SLC14A2: variants seen among roughly 807,000 people sequenced by gnomAD.
SLC14A2 encodes urea transporter 2.
In SLC14A2, 91 loss-of-function variants were observed where a neutral mutation model predicts 104.6. That is an observed-to-expected ratio of 0.87 (90% CI 0.73 to 1.04). SLC14A2 has a LOEUF of 1.04. Among genes scored for constraint, SLC14A2 ranks in the 50% least tolerant of loss-of-function variants. The pLI, the probability that SLC14A2 is intolerant of heterozygous loss-of-function variation, is 0.00. For missense variants in SLC14A2, 1,189 were observed against 1,156.0 expected (o/e 1.03, Z -0.41); for synonymous variants, 476 against 466.4 (o/e 1.02, Z -0.27).
chr18:45,204,084 G>T, the SLC14A2 span, among the ~76,000 whole-genome samples: 37,726 of 151,950 alleles, frequency 0.25, 4,887 homozygotes, highest in Non-Finnish European at 0.3. Context: ...TGATAATTGT[G>T]GTATATTTAA....
intron 1 of SLC14A2, among the ~76,000 whole-genome samples, chr18:45,257,212 G>A (rs2084488361): frequency 6.6e-6 from 1 of 152,204 alleles, no homozygotes; most frequent in South Asian, 2.1e-4. Context: ...ACATTAAACT[G>A]ATCACTGCAT....
At chr18:45,377,171 T>G (rs1478307933) in intron 1 of SLC14A2, among the ~76,000 whole-genome samples, 2 of 152,168 alleles carry the variant, frequency 1.3e-5, no homozygotes, top group African/African-American at 4.8e-5. Flanking sequence ...TGACCTCTAC[T>G]GCTGTTTAGT....
chr18:45,617,090 C>T (rs759728169), intron 1 of SLC14A2, among the ~76,000 whole-genome samples: 1 of 151,994 alleles, frequency 6.6e-6, no homozygotes, highest in Non-Finnish European at 1.5e-5. Context: ...AGTGGAGACT[C>T]CATCTAAAAC....
At chr18:45,376,428 A>G (rs1471659906) in intron 1 of SLC14A2, among the ~76,000 whole-genome samples, 1 of 152,222 alleles carries the variant, frequency 6.6e-6, no homozygotes, top group Non-Finnish European at 1.5e-5. Flanking sequence ...GGACTTAGTC[A>G]ACTTAATTCT....
At chr18:45,547,963 A>G (rs1231537170) in intron 2 of SLC14A2, among the ~76,000 whole-genome samples, 2 of 152,188 alleles carry the variant, frequency 1.3e-5, no homozygotes, top group Admixed American at 1.3e-4. Flanking sequence ...GGCTAGGAGA[A>G]TGGGTTCAAA....
chr18:45,532,179 T>A (rs1568262823), intron 2 of SLC14A2, among the ~76,000 whole-genome samples: 2 of 152,190 alleles, frequency 1.3e-5, no homozygotes, highest in African/African-American at 4.8e-5. Flanking sequence ...GACTTGGCAG[T>A]GCGGGCTCTT....
intron 1 of SLC14A2, among the ~76,000 whole-genome samples, chr18:45,457,673 A>G (rs1266196660): frequency 7.8e-6 from 1 of 128,010 alleles, no homozygotes; most frequent in Non-Finnish European, 1.7e-5. Context: ...GGCAATCAGA[A>G]AGGTTATGGA....
At position 45,274,968 on chromosome 18, in the gene SLC14A2, C is replaced by T. The variant is rs150948850; in HGVS notation, c.-125+61777C>T. Among the ~76,000 whole-genome samples the T allele has an allele frequency of 6.5e-3, 995 of 152,248 alleles. 7 individuals are homozygous for T. The highest frequency in any genetic ancestry group is 0.017 in the Middle Eastern group (5 of 294). On this transcript the variant is annotated intron_variant, in intron 1 of 20. Coordinates refer to the SLC14A2 transcript ENST00000586448. ...CTTCCAGGGAGAAGCTGTAGAGATG[C>T]GTTGACTGAATTATCTTTCTTAAGA...
chr18:45,299,715 G>A (rs987336095), intron 1 of SLC14A2, among the ~76,000 whole-genome samples: 11 of 152,170 alleles, frequency 7.2e-5, no homozygotes, highest in African/African-American at 2.4e-4. Context: ...ACCTGCCTTG[G>A]CCTCCCAAAG....
At chr18:45,375,399 T>G (rs1302877237) in intron 1 of SLC14A2, among the ~76,000 whole-genome samples, 1 of 151,844 alleles carries the variant, frequency 6.6e-6, no homozygotes, top group Non-Finnish European at 1.5e-5. Context: ...ATAAACTGGC[T>G]CATCTGGTCT....
intron 1 of SLC14A2, among the ~76,000 whole-genome samples, chr18:45,288,466 G>A (rs1307278902): frequency 6.6e-6 from 1 of 152,164 alleles, no homozygotes; most frequent in East Asian, 1.9e-4. Flanking sequence ...CCTTGTCTGA[G>A]GAAAGGCCCT....
chr18:45,379,956 C>T (rs892881087), intron 1 of SLC14A2, among the ~76,000 whole-genome samples: 11 of 152,168 alleles, frequency 7.2e-5, no homozygotes, highest in Admixed American at 6.5e-4. Context: ...CAGTAATGCC[C>T]ACCCCACCTT....
rs901294103 is a variant in SLC14A2 at position 45,258,588 on chromosome 18, C to T, written c.-125+45397C>T. On this transcript the variant is annotated intron_variant, in intron 1 of 20. Transcript: ENST00000586448. ...ACTTTAAGCTTCTTGTAGGCAAGGA[C>T]CTTTCTTATTGCTTCTTCCTGACAT... 1.0e-4 allele frequency among the ~76,000 whole-genome samples: 15 copies of T among 143,082 alleles called. 1 individual carries two copies. Among genetic ancestry groups the T allele is most frequent in the Non-Finnish European group, 1.5e-5 (1 of 65,774 alleles). The allele number at this position is 143,082 out of a possible 152,430, so 93.9% of individuals were successfully genotyped here.
chr18:45,664,552 T>A (rs1176447610), intron 11 of SLC14A2, among the ~76,000 whole-genome samples: 1 of 152,134 alleles, frequency 6.6e-6, no homozygotes, highest in Non-Finnish European at 1.5e-5. Context: ...TAATCCTGCC[T>A]CCAATCCCCA....
At chr18:45,262,383 C>T (rs1356890482) in intron 1 of SLC14A2, among the ~76,000 whole-genome samples, 1 of 152,072 alleles carries the variant, frequency 6.6e-6, no homozygotes, top group Non-Finnish European at 1.5e-5. Flanking sequence ...CCTTGGGAAA[C>T]ACTGTGATGT....
rs577337874 is a variant in SLC14A2, at chr18:45,353,861, T to G, written c.-124-129372T>G. Among the ~76,000 whole-genome samples, 5 of 152,306 alleles carry G rather than the reference T, an allele frequency of 3.3e-5. No homozygotes were observed. The East Asian group carries it at 9.6e-4, about 29-fold the overall frequency. On this transcript the variant is annotated intron_variant, in intron 1 of 20. Transcript: ENST00000586448. The stretch of plus-strand genomic sequence containing the variant: ...TTGAGACCTGCTTTACTCTAAAATC[T>G]TAGAGGCTTATGTTAAATGGAGATT...
intron 2 of SLC14A2, among the ~76,000 whole-genome samples, chr18:45,569,206 T>C (rs1037594443): frequency 6.6e-6 from 1 of 152,232 alleles, no homozygotes; most frequent in African/African-American, 2.4e-5. Flanking sequence ...TATTTATTTC[T>C]ATCTTCACCC....
chr18:45,322,985 T>A (rs1338458676), intron 1 of SLC14A2, among the ~76,000 whole-genome samples: 1 of 152,226 alleles, frequency 6.6e-6, no homozygotes, highest in Non-Finnish European at 1.5e-5. Flanking sequence ...GAATGCAAAG[T>A]TGAAATTATA....
chr18:45,283,459 T>C (rs8093434), intron 1 of SLC14A2, among the ~76,000 whole-genome samples: 18,728 of 127,174 alleles, frequency 0.15, 1,973 homozygotes, highest in African/African-American at 0.33. Context: ...CTGAACACGT[T>C]GAGTCTCCTA....
Sources: allele counts gnomAD v4.1 joint callset (sites outside exome capture counted in the v4.1 genomes callset), GRCh38; gene constraint gnomAD v4.1.1; transcripts MANE v1.5; gene names NCBI Gene and HGNC (gene_info 2026-07-23, HGNC 2026-07-21).